The following XKR6 variants were observed in gnomAD, a reference collection of about 807,000 sequenced individuals.
XKR6 encodes XK related 6.
Under a neutral mutation model 56.7 loss-of-function variants are expected in XKR6, and 22 were observed. That is an observed-to-expected ratio of 0.39 (90% confidence interval 0.28 to 0.55). XKR6 has a LOEUF of 0.55. Ranked by LOEUF, XKR6 falls within the 20% of genes least tolerant of loss-of-function variation. The pLI, the probability that XKR6 is intolerant of heterozygous loss-of-function variation, is 0.66. For synonymous variants in XKR6, 524 were observed against 387.8 expected, an observed-to-expected ratio of 1.35 and a Z score of -4.13; for missense variants, 852 against 889.0, an observed-to-expected ratio of 0.96 and a Z score of 0.53.
chr8:11,183,600 G>C (rs967647287), intron 1 of XKR6, among the ~76,000 whole-genome samples: 1 of 152,000 alleles, frequency 6.6e-6, no homozygotes, highest in Admixed American at 6.6e-5. Context: ...TGGGATTACA[G>C]GTATGAGCCA....
chr8:11,090,056 T>C (rs1047528941), intron 1 of XKR6, among the ~76,000 whole-genome samples: 2 of 152,230 alleles, frequency 1.3e-5, no homozygotes, highest in Non-Finnish European at 2.9e-5. Flanking sequence ...TATAGTATTC[T>C]ATTAAATGAA....
chr8:10,927,171 G>C (rs146733025), intron 1 of XKR6, among the ~76,000 whole-genome samples: 3 of 152,344 alleles, frequency 2.0e-5, no homozygotes, highest in Non-Finnish European at 4.4e-5. Context: ...GAGGGTGATA[G>C]AAGGGCCAGG....
At chr8:11,089,614 G>C (rs1469519160) in intron 1 of XKR6, among the ~76,000 whole-genome samples, 2 of 152,124 alleles carry the variant, frequency 1.3e-5, no homozygotes, top group African/African-American at 4.8e-5. Context: ...TTCTGCCTAG[G>C]TGACAGAGTG....
chr8:11,031,544 G>A (rs996495179), intron 1 of XKR6, among the ~76,000 whole-genome samples: 10 of 152,214 alleles, frequency 6.6e-5, no homozygotes, highest in East Asian at 1.9e-4. Context: ...CAGTAAGGCC[G>A]GAGAGTCAGG....
intron 1 of XKR6, among the ~76,000 whole-genome samples, chr8:11,155,177 G>C (rs1801458098): frequency 6.6e-6 from 1 of 152,198 alleles, no homozygotes; most frequent in South Asian, 2.1e-4. Context: ...CACTCAGAAA[G>C]ATTCCACTTG....
intron 1 of XKR6, among the ~76,000 whole-genome samples, chr8:11,091,320 C>T (rs1012507038): frequency 2.0e-5 from 3 of 151,882 alleles, no homozygotes; most frequent in African/African-American, 7.3e-5. Flanking sequence ...TGCCCACAGT[C>T]CCAGCTACTT....
chr8:11,108,506 C>T (rs1798765881), intron 1 of XKR6: 1 of 372,756 alleles, frequency 2.7e-6, no homozygotes, highest in Non-Finnish European at 5.2e-6. Context: ...ATGAAATAAA[C>T]CCACTAAGCC....
chr8:11,030,433 A>G (rs1798965886), intron 1 of XKR6, among the ~76,000 whole-genome samples: 1 of 152,184 alleles, frequency 6.6e-6, no homozygotes, highest in African/African-American at 2.4e-5. Flanking sequence ...GATGCCCTCC[A>G]GTGAGGAGGT....
At chr8:11,060,479 C>T (rs1799803025) in intron 1 of XKR6, among the ~76,000 whole-genome samples, 1 of 152,242 alleles carries the variant, frequency 6.6e-6, no homozygotes, top group Admixed American at 6.5e-5. Context: ...CCTGTACTCC[C>T]AGGGGGACAG....
intron 1 of XKR6, among the ~76,000 whole-genome samples, chr8:11,196,046 A>G (rs1803868418): frequency 6.6e-6 from 1 of 152,002 alleles, no homozygotes; most frequent in South Asian, 2.1e-4. Context: ...ACACACCCAC[A>G]CAGCCCACAA....
In XKR6 at chr8:11,088,245, T is replaced by C. The variant is rs1797956411; in HGVS notation, c.764+112331A>G. On this transcript the variant is annotated intron_variant, in intron 1 of 2. Coordinates refer to ENST00000416569, the MANE Select transcript of XKR6 (RefSeq NM_173683.4). The stretch of plus-strand genomic sequence containing the variant: ...AAAAGAGATATTGTTAAATATCTAC[T>C]TGAGCCCTTCCCAAAAAAAGGATTT... Among the ~76,000 whole-genome samples the C allele has an allele frequency of 5.2e-5, 6 of 114,450 alleles. No individual in the cohort carries two copies. The South Asian group carries it at 1.5e-3, about 29-fold the overall frequency. 75.1% of individuals were successfully genotyped at this position (114,450 alleles called of 152,430 possible). A position where few individuals can be genotyped will look rare whatever the true frequency, so the allele number is the denominator to read the frequency against.
intron 1 of XKR6, among the ~76,000 whole-genome samples, chr8:11,034,385 CA>C (rs1799085589): frequency 6.6e-6 from 1 of 152,138 alleles, no homozygotes; most frequent in African/African-American, 2.4e-5. Flanking sequence ...GGTAAAGGTA[CA>C]AGGCAAAATG....
chr8:11,184,388 TACACACACACACACAC>T (rs6150466), intron 1 of XKR6, among the ~76,000 whole-genome samples: 12 of 146,136 alleles, frequency 8.2e-5, no homozygotes, highest in African/African-American at 1.2e-4. Flanking sequence ...TATACACACA[TACACACACACACACAC>T]ACACACACAC....
At chr8:11,193,000 G>C (rs183548876) in intron 1 of XKR6, among the ~76,000 whole-genome samples, 40 of 152,288 alleles carry the variant, frequency 2.6e-4, no homozygotes, top group Admixed American at 7.2e-4. Context: ...GTCTATTTAA[G>C]ACGGAAAGAA....
chr8:10,961,782 G>T (rs1280681752), intron 1 of XKR6, among the ~76,000 whole-genome samples: 1 of 152,200 alleles, frequency 6.6e-6, no homozygotes, highest in East Asian at 1.9e-4. Flanking sequence ...TTTGCCCACA[G>T]TTGTCCAGTT....
intron 1 of XKR6, among the ~76,000 whole-genome samples, chr8:11,066,008 C>G (rs896174771): frequency 6.6e-6 from 1 of 152,232 alleles, no homozygotes; most frequent in Non-Finnish European, 1.5e-5. Context: ...AGAGGGGGCT[C>G]TGCATTCTCT....
At chr8:11,117,091 C>T (rs1799218494) in intron 1 of XKR6, among the ~76,000 whole-genome samples, 1 of 152,154 alleles carries the variant, frequency 6.6e-6, no homozygotes, top group African/African-American at 2.4e-5. Context: ...AGTCAAACTT[C>T]TATAAAAACA....
intron 1 of XKR6, among the ~76,000 whole-genome samples, chr8:11,017,651 A>G (rs933036508): frequency 1.3e-5 from 2 of 152,164 alleles, no homozygotes; most frequent in Non-Finnish European, 2.9e-5. Flanking sequence ...GCCTCACTTG[A>G]TCCATGTGGC....
At chr8:10,968,184 G>C (rs966982787) in intron 1 of XKR6, among the ~76,000 whole-genome samples, 2 of 152,160 alleles carry the variant, frequency 1.3e-5, no homozygotes, top group African/African-American at 4.8e-5. Context: ...GTCTGTGCTG[G>C]TGTTTGAACC....
Sources: gnomAD v4.1 joint callset for allele counts (sites outside exome capture counted in the v4.1 genomes callset) on GRCh38, gnomAD v4.1.1 for gene constraint, MANE v1.5 for transcripts, NCBI Gene and HGNC (gene_info 2026-07-23, HGNC 2026-07-21) for gene names.